The following FAM163A variants were observed in gnomAD, a reference collection of about 807,000 sequenced individuals.
The protein encoded by FAM163A is protein FAM163A.
A neutral mutation model predicts 12.0 loss-of-function variants in FAM163A; 7 were observed. The ratio of observed to expected loss-of-function variants is 0.58; its 90% CI spans 0.33 to 1.10. The LOEUF is 1.10. Ranked by LOEUF, FAM163A falls within the 50% of genes least tolerant of loss-of-function variation. The probability of loss-of-function intolerance (pLI) is 0.03; values close to 1 mark genes in which losing one functional copy is unlikely to be tolerated. For synonymous variants in FAM163A, 101 were observed against 91.0 expected, an observed-to-expected ratio of 1.11 and a Z score of -0.62; for missense variants, 202 against 218.6, an observed-to-expected ratio of 0.92 and a Z score of 0.48.
the FAM163A span, among the ~76,000 whole-genome samples, chr1:179,730,966 C>T: frequency 6.6e-6 from 1 of 152,128 alleles, no homozygotes; most frequent in African/African-American, 2.4e-5. Context: ...AAGGTTTACA[C>T]AGAGGTTTCT....
At chr1:179,806,314 C>A (rs1307081514) in intron 1 of FAM163A, among the ~76,000 whole-genome samples, 1 of 152,246 alleles carries the variant, frequency 6.6e-6, no homozygotes, top group Admixed American at 6.5e-5. Flanking sequence ...TCGCATTAAA[C>A]TCTACATCAC....
At chr1:179,792,176 G>A (rs368248906) in intron 1 of FAM163A, among the ~76,000 whole-genome samples, 261 of 152,284 alleles carry the variant, frequency 1.7e-3, no homozygotes, top group African/African-American at 6.1e-3. Flanking sequence ...CTAGAGTGCA[G>A]TGGCAAGATC....
intron 1 of FAM163A, among the ~76,000 whole-genome samples, chr1:179,745,324 C>G (rs1442656946): frequency 6.6e-6 from 1 of 151,010 alleles, no homozygotes; most frequent in African/African-American, 2.5e-5. Flanking sequence ...CCTGTTTGGC[C>G]CAAGAATCTC....
At chr1:179,747,598 G>T (rs565213737) in intron 1 of FAM163A, among the ~76,000 whole-genome samples, 2 of 152,236 alleles carry the variant, frequency 1.3e-5, no homozygotes, top group South Asian at 2.1e-4. Flanking sequence ...CTTTATCTCG[G>T]GTATATGTGA....
At chr1:179,767,939 GATCTCTAGATAATTTTC>G (rs1190022655) in intron 1 of FAM163A, among the ~76,000 whole-genome samples, 5 of 152,274 alleles carry the variant, frequency 3.3e-5, no homozygotes, top group Admixed American at 1.3e-4. Flanking sequence ...TTGGGCAACA[GATCTCTAGATAATTTTC>G]ATCTTGAAAA....
intron 1 of FAM163A, among the ~76,000 whole-genome samples, chr1:179,760,778 G>A (rs1686705705): frequency 6.6e-6 from 1 of 152,182 alleles, no homozygotes; most frequent in South Asian, 2.1e-4. Context: ...CTTGCTACCA[G>A]GGGCACTTTC....
intron 1 of FAM163A, among the ~76,000 whole-genome samples, chr1:179,747,703 A>G (rs1373241133): frequency 6.6e-6 from 1 of 152,206 alleles, no homozygotes; most frequent in Non-Finnish European, 1.5e-5. Context: ...CACAGGCGCA[A>G]CTGCATCACA....
chr1:179,728,710 C>CT, the FAM163A span, among the ~76,000 whole-genome samples: 1 of 152,144 alleles, frequency 6.6e-6, no homozygotes, highest in African/African-American at 2.4e-5. Flanking sequence ...CCAGTTTTCA[C>CT]TATTTAGGAG....
chr1:179,762,024 A>G (rs75252470), intron 1 of FAM163A, among the ~76,000 whole-genome samples: 2,476 of 152,182 alleles, frequency 0.016, 27 homozygotes, highest in Non-Finnish European at 0.026. Context: ...CCACTTCCCT[A>G]CTGAAAGGGT....
At chr1:179,752,008 A>G (rs890912275) in intron 1 of FAM163A, among the ~76,000 whole-genome samples, 5 of 152,210 alleles carry the variant, frequency 3.3e-5, no homozygotes, top group Non-Finnish European at 7.3e-5. Context: ...ATCTTGAAAA[A>G]GAAGGGAAAG....
At chr1:179,811,518 T>C (rs1694698603) in intron 2 of FAM163A, among the ~76,000 whole-genome samples, 1 of 152,144 alleles carries the variant, frequency 6.6e-6, no homozygotes, top group African/African-American at 2.4e-5. Context: ...ATTAGGCCTG[T>C]GGGGGGCCTG....
At chr1:179,736,951 T>A in the FAM163A span, among the ~76,000 whole-genome samples, 2 of 152,190 alleles carry the variant, frequency 1.3e-5, no homozygotes, top group African/African-American at 4.8e-5. Flanking sequence ...TTTCCTCAAA[T>A]TTTAAATTTT....
chr1:179,787,806 C>A (rs1011361811), intron 1 of FAM163A, among the ~76,000 whole-genome samples: 2 of 152,152 alleles, frequency 1.3e-5, no homozygotes, highest in African/African-American at 4.8e-5. Context: ...GAGGTGGTGG[C>A]AGTTGTCCTG....
chr1:179,770,191 C>A (rs182822472), intron 1 of FAM163A, among the ~76,000 whole-genome samples: 7 of 152,110 alleles, frequency 4.6e-5, no homozygotes, highest in Admixed American at 2.0e-4. Flanking sequence ...AGGTGTGAGC[C>A]ACCGCGCCTG....
intron 1 of FAM163A, among the ~76,000 whole-genome samples, chr1:179,756,251 C>T (rs776735369): frequency 1.3e-5 from 2 of 152,120 alleles, no homozygotes; most frequent in African/African-American, 2.4e-5. Flanking sequence ...GTAAATGTAT[C>T]GTAACTATCT....
At chr1:179,808,853 C>T (rs1694310773) in intron 2 of FAM163A, among the ~76,000 whole-genome samples, 1 of 152,132 alleles carries the variant, frequency 6.6e-6, no homozygotes, top group Non-Finnish European at 1.5e-5. Flanking sequence ...GGAGATATTG[C>T]CAGCATTTGC....
At chr1:179,803,250 C>G (rs1437931641) in intron 1 of FAM163A, among the ~76,000 whole-genome samples, 2 of 152,198 alleles carry the variant, frequency 1.3e-5, no homozygotes, top group African/African-American at 4.8e-5. Flanking sequence ...TTGAGATCAG[C>G]TGGTGCTTAG....
chr1:179,741,898 T>G (rs565257592), upstream of FAM163A: 1 of 152,190 alleles, frequency 6.6e-6, no homozygotes, highest in East Asian at 1.9e-4. Context: ...ATGACCTGGG[T>G]GGTGTTTGGT....
intron 2 of FAM163A, among the ~76,000 whole-genome samples, chr1:179,811,323 AT>A (rs1333879383): frequency 6.6e-6 from 1 of 152,184 alleles, no homozygotes; most frequent in Non-Finnish European, 1.5e-5. Context: ...TTAGGAAACC[AT>A]TGTGCCAGTG....
Sources: allele counts gnomAD v4.1 joint callset (sites outside exome capture counted in the v4.1 genomes callset), GRCh38; gene constraint gnomAD v4.1.1; transcripts MANE v1.5; gene names NCBI Gene and HGNC (gene_info 2026-07-23, HGNC 2026-07-21).